SHANK2: variants seen among roughly 807,000 people sequenced by gnomAD.
The protein encoded by SHANK2 is SH3 and multiple ankyrin repeat domains 2, also known as SH3 and multiple ankyrin repeat domains protein 2.
In SHANK2, 43 loss-of-function variants were observed where a neutral mutation model predicts 133.7. The ratio of observed to expected loss-of-function variants is 0.32; its 90% confidence interval spans 0.25 to 0.41. SHANK2 has a LOEUF of 0.41. Among genes scored for constraint, SHANK2 ranks in the 10% least tolerant of loss-of-function variants. The pLI, the probability that SHANK2 is intolerant of heterozygous loss-of-function variation, is 1.00. For synonymous variants in SHANK2, 1,017 were observed against 952.8 expected (o/e 1.07, Z -1.24); for missense variants, 1,994 against 2,235.8 (o/e 0.89, Z 2.18).
At chr11:71,238,411 A>G (rs3020028) in intron 1 of SHANK2, among the ~76,000 whole-genome samples, 15,990 of 152,310 alleles carry the variant, frequency 0.1, 2,320 homozygotes, top group African/African-American at 0.33. Flanking sequence ...GCTCACAGCT[A>G]CCTGAGATAT....
chr11:70,842,741 G>A (rs1948926418), intron 11 of SHANK2, among the ~76,000 whole-genome samples: 2 of 152,200 alleles, frequency 1.3e-5, no homozygotes, highest in African/African-American at 4.8e-5. Context: ...AGCTAAAGGA[G>A]ACACTGCTGG....
intron 10 of SHANK2, among the ~76,000 whole-genome samples, chr11:70,949,125 A>G (rs1950796750): frequency 6.6e-6 from 1 of 152,214 alleles, no homozygotes; most frequent in African/African-American, 2.4e-5. Flanking sequence ...CTGGATAAAC[A>G]CACCAAAAGA....
At chr11:70,937,851 C>T (rs1231058979) in intron 10 of SHANK2, among the ~76,000 whole-genome samples, 1 of 151,968 alleles carries the variant, frequency 6.6e-6, no homozygotes, top group Non-Finnish European at 1.5e-5. Context: ...CAGAATCTCA[C>T]AAAAACCTAG....
At chr11:71,115,819 G>A (rs1160254667) in intron 4 of SHANK2, among the ~76,000 whole-genome samples, 1 of 152,150 alleles carries the variant, frequency 6.6e-6, no homozygotes, top group Non-Finnish European at 1.5e-5. Flanking sequence ...TGAACTGCAT[G>A]GATTTACTCT....
intron 14 of SHANK2, among the ~76,000 whole-genome samples, chr11:70,755,714 G>A (rs957102860): frequency 1.3e-5 from 2 of 152,200 alleles, no homozygotes; most frequent in Non-Finnish European, 2.9e-5. Context: ...GTGGCCACAA[G>A]CAGGGACGCC....
intron 17 of SHANK2, among the ~76,000 whole-genome samples, chr11:70,556,876 C>A (rs2059839221): frequency 6.6e-6 from 1 of 151,974 alleles, no homozygotes; most frequent in Non-Finnish European, 1.5e-5. Context: ...CTCCTGGCCT[C>A]ATTTTTTCTC....
intron 9 of SHANK2, among the ~76,000 whole-genome samples, chr11:71,072,263 C>T (rs1268172349): frequency 1.3e-5 from 2 of 152,012 alleles, no homozygotes; most frequent in African/African-American, 2.4e-5. Context: ...CCCATGGCTT[C>T]CCCGCTCCTA....
intron 15 of SHANK2, among the ~76,000 whole-genome samples, chr11:70,672,146 C>A (rs908650499): frequency 6.6e-6 from 1 of 150,864 alleles, no homozygotes; most frequent in African/African-American, 2.4e-5. Context: ...TCACTGCAAC[C>A]TCCATCTCCC....
In SHANK2 at chr11:70,739,469, C is replaced by T. The variant is rs1946476451; in HGVS notation, c.1778-40706G>A. On this transcript the variant is annotated intron_variant, in intron 14 of 25. Transcript: ENST00000601538. The surrounding 1 kb of genome is among the most constrained non-coding windows in gnomAD (Gnocchi z 4.3). Reference sequence around the variant, plus strand: ...CCTCTCCTCTTGCCCCTGAAGTCTACCTGTGCCCACGTGGGGAGGGTGTTT... The same window carrying T: ...CCTCTCCTCTTGCCCCTGAAGTCTATCTGTGCCCACGTGGGGAGGGTGTTT... Among the ~76,000 whole-genome samples the T allele has an allele frequency of 2.6e-5, 4 of 152,332 alleles. No individual in the cohort carries two copies. The South Asian group carries it at 8.3e-4, about 32-fold the overall frequency.
At chr11:70,676,701 C>G (rs1944912032) in intron 15 of SHANK2, among the ~76,000 whole-genome samples, 1 of 152,152 alleles carries the variant, frequency 6.6e-6, no homozygotes, top group Admixed American at 6.5e-5. Context: ...AAGATACGGG[C>G]AAAACACTGG....
In SHANK2 at chr11:70,470,447, C is replaced by T. The variant is rs2058584297; in HGVS notation, c.*2422G>A. 1 of 152,472 alleles carries T rather than the reference C, an allele frequency of 6.6e-6. No homozygotes were observed. Among genetic ancestry groups the T allele is most frequent in the Non-Finnish European group, 1.5e-5 (1 of 68,038 alleles). The allele number at this position is 152,472 out of a possible 1,614,324, so 9.4% of individuals were successfully genotyped here. On this transcript the variant is annotated 3_prime_UTR_variant, in exon 26 of 26. Transcript: ENST00000601538. ...CTGGTTATCGTCTGCCAGCGGTTTC[C>T]TTGACTCTCCTTTGAGCTAGTGTTT...
rs568017376 is a variant in SHANK2, at chr11:70,588,128, C to T, written c.2061+71700G>A. 8.5e-5 allele frequency among the ~76,000 whole-genome samples: 13 copies of T among 152,276 alleles called. No homozygotes were observed. The South Asian group carries it at 2.7e-3, about 32-fold the overall frequency. On this transcript the variant is annotated intron_variant, in intron 17 of 25. Coordinates refer to ENST00000601538, the MANE Select transcript of SHANK2 (RefSeq NM_012309.5). Reference sequence around the variant, plus strand: ...CTGATCTATCAACTGGCTGGTCCATCGTCTCTTCCCATCTCCTTGGGCCTC... The same window carrying T: ...CTGATCTATCAACTGGCTGGTCCATTGTCTCTTCCCATCTCCTTGGGCCTC...
At chr11:70,727,303 G>A (rs1946197929) in intron 14 of SHANK2, among the ~76,000 whole-genome samples, 1 of 152,216 alleles carries the variant, frequency 6.6e-6, no homozygotes, top group African/African-American at 2.4e-5. Context: ...AGAATAACCT[G>A]GAAGACAAAA....
At chr11:70,822,397 G>C (rs1320097204) in intron 11 of SHANK2, among the ~76,000 whole-genome samples, 2 of 152,258 alleles carry the variant, frequency 1.3e-5, no homozygotes, top group Non-Finnish European at 1.5e-5. Flanking sequence ...CAGTGACGAA[G>C]CTCTTGGGGA....
intron 11 of SHANK2, among the ~76,000 whole-genome samples, chr11:70,870,054 G>A (rs1277391649): frequency 1.3e-5 from 2 of 152,168 alleles, no homozygotes; most frequent in African/African-American, 4.8e-5. Context: ...GATCAGTGAG[G>A]TTGCGACGAG....
chr11:70,672,690 G>A (rs1944835465), intron 15 of SHANK2, among the ~76,000 whole-genome samples: 2 of 152,214 alleles, frequency 1.3e-5, no homozygotes, highest in Admixed American at 1.3e-4. Flanking sequence ...CTTTCTTCTG[G>A]CCAGTTACTA....
At chr11:70,935,975 C>A (rs782631135) in intron 10 of SHANK2, among the ~76,000 whole-genome samples, 14 of 152,300 alleles carry the variant, frequency 9.2e-5, no homozygotes, top group Admixed American at 6.5e-4. Context: ...CCCTACCTGT[C>A]CCTGCTGCAC....
At chr11:71,146,405 C>T (rs1952645336) in intron 3 of SHANK2, among the ~76,000 whole-genome samples, 1 of 152,270 alleles carries the variant, frequency 6.6e-6, no homozygotes. Flanking sequence ...GATGAAGCCA[C>T]ACCCCTTCCT....
chr11:70,556,393 TTCTCTCTCTCTCTC>T (rs1157375439), intron 17 of SHANK2, among the ~76,000 whole-genome samples: 1 of 11,962 alleles, frequency 8.4e-5, no homozygotes, highest in African/African-American at 2.1e-4. Context: ...CTTTCTTTCT[TTCTCTCTCTCTCTC>T]TCTCTCTCTC....
Sources: gnomAD v4.1 joint callset for allele counts (sites outside exome capture counted in the v4.1 genomes callset) on GRCh38, gnomAD v4.1.1 for gene constraint, Gnocchi (gnomAD v3.1) non-coding constraint, MANE v1.5 for transcripts, NCBI Gene and HGNC (gene_info 2026-07-23, HGNC 2026-07-21) for gene names.